ADPGK: variants seen among roughly 807,000 people sequenced by gnomAD.
The protein encoded by ADPGK is ADP dependent glucokinase.
ADPGK carries 26 observed loss-of-function variants against 42.4 expected under a neutral mutation model. The ratio of observed to expected loss-of-function variants is 0.61; its 90% confidence interval spans 0.45 to 0.85. ADPGK has a LOEUF of 0.85. Among genes scored for constraint, ADPGK ranks in the 40% least tolerant of loss-of-function variants. ADPGK has a pLI of 0.00. For synonymous variants in ADPGK, 267 were observed against 252.6 expected, an observed-to-expected ratio of 1.06 and a Z score of -0.54; for missense variants, 571 against 627.0, an observed-to-expected ratio of 0.91 and a Z score of 0.95.
chr15:72,764,172 C>G (rs535982737), intron 3 of ADPGK, among the ~76,000 whole-genome samples: 4 of 152,192 alleles, frequency 2.6e-5, no homozygotes, highest in African/African-American at 9.7e-5. Context: ...AGCTTAGCGA[C>G]GAAGGCATGT....
At chr15:72,757,201 CTT>C (rs34450649) in intron 4 of ADPGK, 253 of 123,382 alleles carry the variant, frequency 2.1e-3, no homozygotes, top group East Asian at 8.0e-3. Flanking sequence ...TTCTTTTTTC[CTT>C]TTTTTTTTTT....
chr15:72,771,864 C>T lies in ADPGK; in HGVS notation c.460-19G>A. 1 of 1,582,064 alleles carries T rather than the reference C, an allele frequency of 6.3e-7. No individual in the cohort carries two copies. Among genetic ancestry groups the T allele is most frequent in the Non-Finnish European group, 8.6e-7 (1 of 1,163,988 alleles). On this transcript the variant is annotated intron_variant, in intron 2 of 6. Transcript: ENST00000456471. ...CATAGTGCTGTAAGAGAGTTCAAGG[C>T]TTTTAGACAGTATTTTAATACAACT...
In ADPGK at chr15:72,783,724, C is replaced by T. The variant is rs974891952; in HGVS notation, c.-33G>A. 4.2e-6 allele frequency: 6 copies of T among 1,428,396 alleles called. No homozygotes were observed. Among genetic ancestry groups the T allele is most frequent in the Middle Eastern group, 1.8e-4 (1 of 5,514 alleles). 88.5% of individuals were successfully genotyped at this position (1,428,396 alleles called of 1,614,324 possible). A position where few individuals can be genotyped will look rare whatever the true frequency, so the allele number is the denominator to read the frequency against. ...CAGGCGCCGCACCTGCGCGAACCAA[C>T]TCCTTTCCTAGCCCGCGCCTCTTCC... On this transcript the variant is annotated 5_prime_UTR_variant, in exon 1 of 7. Transcript: ENST00000456471.
chr15:72,779,406 G>A (rs34940604), intron 1 of ADPGK, among the ~76,000 whole-genome samples: 13,574 of 151,840 alleles, frequency 0.089, 616 homozygotes, highest in Admixed American at 0.1. Context: ...GCATCACCAC[G>A]CCTAATTTTT....
At chr15:72,755,774 C>A in intron 5 of ADPGK, 120 bp from the exon 6 acceptor site, 1 of 752,696 alleles carries the variant, frequency 1.3e-6, no homozygotes, top group Non-Finnish European at 2.2e-6. Flanking sequence ...TGCATGCTCA[C>A]GGGAGCTACA....
intron 6 of ADPGK, 49 bp from the exon 7 acceptor site, chr15:72,752,944 C>T: frequency 6.5e-7 from 1 of 1,528,998 alleles, no homozygotes; most frequent in African/African-American, 1.4e-5. Context: ...AACCTGGCTC[C>T]TAAGATGTCT....
Position 72,783,441 on chromosome 15 carries a change from G to C in ADPGK, c.233+18C>G. The C allele has an allele frequency of 7.4e-7, 1 of 1,345,888 alleles. No individual in the cohort carries two copies. The highest frequency in any genetic ancestry group is 9.5e-7 in the Non-Finnish European group (1 of 1,053,500). 83.4% of individuals were successfully genotyped at this position (1,345,888 alleles called of 1,614,324 possible). ...CCGACCTCGGAGGCTCAGAGACCCA[G>C]GCCCCGTTGGCACTCACCCCACTGC... On this transcript the variant is annotated intron_variant, in intron 1 of 6. Transcript: ENST00000456471.
chr15:72,769,174 C>A (rs2151084843), intron 3 of ADPGK, among the ~76,000 whole-genome samples: 1 of 152,190 alleles, frequency 6.6e-6, no homozygotes, highest in East Asian at 1.9e-4. Flanking sequence ...TACATCAGAA[C>A]AAAGTAAGCT....
intron 3 of ADPGK, among the ~76,000 whole-genome samples, chr15:72,768,426 G>C (rs749171063): frequency 5.3e-5 from 8 of 152,162 alleles, no homozygotes; most frequent in Non-Finnish European, 1.2e-4. Flanking sequence ...AAGCACTATG[G>C]AAGGCTGAGG....
At chr15:72,763,466 G>A (rs531214995) in intron 3 of ADPGK, among the ~76,000 whole-genome samples, 3 of 152,038 alleles carry the variant, frequency 2.0e-5, no homozygotes, top group South Asian at 2.1e-4. Flanking sequence ...GATTACAGGC[G>A]TGAGCCACCA....
rs942425835 is a variant in ADPGK at position 72,756,793 on chromosome 15, G to A, written c.644-346C>T. The A allele has an allele frequency of 4.3e-5, 13 of 304,038 alleles. No homozygotes were observed. The Admixed American group carries it at 5.5e-4, about 13-fold the overall frequency. The allele number at this position is 304,038 out of a possible 1,614,324, so 18.8% of individuals were successfully genotyped here. A position where few individuals can be genotyped will look rare whatever the true frequency, so the allele number is the denominator to read the frequency against. ...TGACTTCCAAATACCAGCATACAGTGTGCAGCACGCACGCCCTGCAGACAG... is the reference window on the plus strand; with the variant it reads ...TGACTTCCAAATACCAGCATACAGTATGCAGCACGCACGCCCTGCAGACAG... On this transcript the variant is annotated intron_variant, in intron 4 of 6. Coordinates refer to ENST00000456471, the MANE Select transcript of ADPGK (RefSeq NM_001365225.1).
rs1185609545 is a variant in ADPGK at position 72,752,746 on chromosome 15, C to G, written c.1089G>C (p.Leu363Phe). The G allele has an allele frequency of 5.6e-6, 9 of 1,614,110 alleles. No homozygotes were observed. The highest frequency in any genetic ancestry group is 7.6e-6 in the Non-Finnish European group (9 of 1,180,050). Residue 363 changes from leucine to phenylalanine, a missense_variant, in exon 7 of 7, where the codon TTG becomes TTC. This residue lies in a region of ADPGK where 434 missense variants were observed against 522.7 expected (regional missense o/e 0.83). Transcript: ENST00000456471. ...TGCTTTTACTCCTCCCATGTTCTTT[C>G]AAGATCCAGAAGAGGATGTCACTGA... ...GMVSDILFWI[L>F]KEHGRSKSRA...
At position 72,781,442 on chromosome 15, in the gene ADPGK, T is replaced by C. The variant is rs114807142; in HGVS notation, c.233+2017A>G. Among the ~76,000 whole-genome samples the C allele has an allele frequency of 2.7e-3, 413 of 152,344 alleles. 5 individuals carry two copies. The highest frequency in any genetic ancestry group is 9.4e-3 in the African/African-American group (389 of 41,586). ...ATGTACTTTTTCACATTTGGTTCTC[T>C]TGCCTAGGTGGACCTGTTCCCACTT... On this transcript the variant is annotated intron_variant, in intron 1 of 6. Transcript: ENST00000456471.
In ADPGK at chr15:72,771,777, A is replaced by C. The variant is rs1340532570; in HGVS notation, c.522+6T>G. 2 of 1,611,306 alleles carry C rather than the reference A, an allele frequency of 1.2e-6. No individual in the cohort carries two copies. Among genetic ancestry groups the C allele is most frequent in the Non-Finnish European group, 1.7e-6 (2 of 1,178,614 alleles). On this transcript the variant is annotated splice_donor_region_variant and intron_variant, in intron 3 of 6. Coordinates refer to ENST00000456471, the MANE Select transcript of ADPGK (RefSeq NM_001365225.1). ...GCATAGGTTTTAATCTAAAAACTTG[A>C]CCTACCTTTAAATCTGAGTTGGCTG...
At chr15:72,762,624 T>A (rs2066208957) in intron 3 of ADPGK, among the ~76,000 whole-genome samples, 1 of 152,134 alleles carries the variant, frequency 6.6e-6, no homozygotes, top group Admixed American at 6.5e-5. Flanking sequence ...AGACAAAATA[T>A]ATGAAACAAT....
intron 3 of ADPGK, among the ~76,000 whole-genome samples, chr15:72,765,304 A>G (rs1449594640): frequency 6.6e-6 from 1 of 152,036 alleles, no homozygotes; most frequent in Non-Finnish European, 1.5e-5. Flanking sequence ...GTGCACCACC[A>G]CACCTGGCTA....
intron 6 of ADPGK, among the ~76,000 whole-genome samples, chr15:72,753,237 A>G (rs1029146176): frequency 6.6e-6 from 1 of 152,194 alleles, no homozygotes; most frequent in Non-Finnish European, 1.5e-5. Flanking sequence ...CTTACCACTG[A>G]TGGGGCATGG....
intron 3 of ADPGK, among the ~76,000 whole-genome samples, chr15:72,768,223 A>G (rs202181832): frequency 6.6e-6 from 1 of 151,972 alleles, no homozygotes. Flanking sequence ...AAAAAAAAAA[A>G]GGAAAATCTG....
At position 72,755,720 on chromosome 15, in the gene ADPGK, A is replaced by C. The variant is rs749267274; in HGVS notation, c.841-66T>G. The C allele has an allele frequency of 1.5e-4, 191 of 1,301,698 alleles. 1 individual carries two copies. Among genetic ancestry groups the C allele is most frequent in the Non-Finnish European group, 2.0e-4 (183 of 905,366 alleles). The allele number at this position is 1,301,698 out of a possible 1,614,324, so 80.6% of individuals were successfully genotyped here. A position where few individuals can be genotyped will look rare whatever the true frequency, so the allele number is the denominator to read the frequency against. On this transcript the variant is annotated intron_variant, in intron 5 of 6. Coordinates refer to ENST00000456471, the MANE Select transcript of ADPGK (RefSeq NM_001365225.1). The stretch of plus-strand genomic sequence containing the variant: ...AGGAAGTCAAGAAAGAGGGAAGAAA[A>C]GATCAGATCCTGAGAGGCGGTTCCT...
Sources: allele counts gnomAD v4.1 joint callset (sites outside exome capture counted in the v4.1 genomes callset), GRCh38; gene constraint gnomAD v4.1.1; regional missense constraint gnomAD v4.1.1; transcripts MANE v1.5; gene names NCBI Gene and HGNC (gene_info 2026-07-23, HGNC 2026-07-21).